Variants in PRKCH observed in about 807,000 individuals in gnomAD.
The protein encoded by PRKCH is protein kinase C eta, also known as protein kinase C eta type.
In PRKCH, 28 loss-of-function variants were observed where a neutral mutation model predicts 82.5. The observed-to-expected ratio is 0.34, with a 90% confidence interval of 0.25 to 0.47. PRKCH has a LOEUF of 0.47. Among genes scored for constraint, PRKCH ranks in the 20% least tolerant of loss-of-function variants. The probability of loss-of-function intolerance (pLI) is 1.00; values close to 1 mark genes in which losing one functional copy is unlikely to be tolerated. For missense variants in PRKCH, 705 were observed against 881.8 expected, an observed-to-expected ratio of 0.80 and a Z score of 2.54; for synonymous variants, 322 against 327.4, an observed-to-expected ratio of 0.98 and a Z score of 0.18.
intron 1 of PRKCH, chr14:61,281,870 C>CTTTTTTTTTT (rs71117807): frequency 1.4e-4 from 13 of 94,862 alleles, no homozygotes; most frequent in African/African-American, 5.5e-4. Context: ...CAAATTTTAG[C>CTTTTTTTTTT]TTTTTTTTTT....
chr14:61,549,643 A>G, intron 13 of PRKCH, 42 bp from the exon 14 acceptor site: 1 of 1,602,580 alleles, frequency 6.2e-7, no homozygotes, highest in Non-Finnish European at 8.5e-7. Flanking sequence ...GTAAGCCTCA[A>G]GCGCAAAAAT....
At chr14:61,447,218 T>G (rs972489911) in intron 4 of PRKCH, among the ~76,000 whole-genome samples, 12 of 152,256 alleles carry the variant, frequency 7.9e-5, no homozygotes, top group African/African-American at 2.7e-4. Flanking sequence ...ATTTGTTTTG[T>G]TTTATTTAAA....
chr14:61,332,390 C>G (rs1214455869), intron 1 of PRKCH, among the ~76,000 whole-genome samples: 1 of 152,172 alleles, frequency 6.6e-6, no homozygotes, highest in Non-Finnish European at 1.5e-5. Flanking sequence ...TAAATTAGAG[C>G]AGTATCTGTC....
chr14:61,285,042 A>T (rs1366953147), intron 1 of PRKCH, among the ~76,000 whole-genome samples: 1 of 152,202 alleles, frequency 6.6e-6, no homozygotes, highest in Non-Finnish European at 1.5e-5. Flanking sequence ...GTTTTTCAGT[A>T]TTCCAAAGTA....
At chr14:61,405,380 CTT>C (rs55977918) in intron 2 of PRKCH, among the ~76,000 whole-genome samples, 121 of 145,356 alleles carry the variant, frequency 8.3e-4, no homozygotes, top group Non-Finnish European at 1.1e-3. Flanking sequence ...ATCTTCTGCT[CTT>C]TTTTTTTTTT....
In PRKCH at chr14:61,280,697, G is replaced by A; in HGVS notation, c.-19+93029G>A. On this transcript the variant is annotated intron_variant, in intron 1 of 3. Coordinates refer to the PRKCH transcript ENST00000555185. This position sits in a 1 kb window ranked among gnomAD's most constrained non-coding sequence, Gnocchi z 5.0. Reference sequence around the variant, plus strand: ...ATGGGCAGGCCGGCCGCGCTGCGCTGGTAGGGGGCGCACTCGTTGACAGGG... The same window carrying A: ...ATGGGCAGGCCGGCCGCGCTGCGCTAGTAGGGGGCGCACTCGTTGACAGGG... 2 of 1,578,234 alleles carry A rather than the reference G, an allele frequency of 1.3e-6. No individual in the cohort carries two copies.
At chr14:61,360,610 G>T (rs185596486) in intron 1 of PRKCH, among the ~76,000 whole-genome samples, 314 of 152,204 alleles carry the variant, frequency 2.1e-3, no homozygotes, top group African/African-American at 7.3e-3. Context: ...TTGGATGAAA[G>T]GATAACAAAT....
chr14:61,364,016 A>C lies in PRKCH; in HGVS notation c.364-27209A>C, dbSNP rs1054492536. 1.6e-3 allele frequency among the ~76,000 whole-genome samples: 235 copies of C among 147,072 alleles called. 2 individuals are homozygous for C. Among genetic ancestry groups the C allele is most frequent in the Non-Finnish European group, 2.6e-3 (174 of 67,080 alleles). ...TGTGTATATATATATTTGTGTGTAT[A>C]TATATATTTGTATATATATAATATA... On this transcript the variant is annotated intron_variant, in intron 1 of 13. Coordinates refer to ENST00000332981, the MANE Select transcript of PRKCH (RefSeq NM_006255.5).
chr14:61,451,093 C>A (rs1306468089), intron 6 of PRKCH, 122 bp downstream of exon 6: 2 of 1,240,792 alleles, frequency 1.6e-6, no homozygotes, highest in Non-Finnish European at 2.2e-6. Context: ...TGTAAATCAA[C>A]ATCTTAGTCA....
In PRKCH at chr14:61,346,524, A is replaced by G. The variant is rs561695819; in HGVS notation, c.363+24060A>G. On this transcript the variant is annotated intron_variant, in intron 1 of 13. Coordinates refer to ENST00000332981, the MANE Select transcript of PRKCH (RefSeq NM_006255.5). ...TTTCAAAATTAACTGTTATTTTGCCAATAAGTTTAACATTTCATTGGAGCA... is the reference window on the plus strand; with the variant it reads ...TTTCAAAATTAACTGTTATTTTGCCGATAAGTTTAACATTTCATTGGAGCA... Among the ~76,000 whole-genome samples the G allele has an allele frequency of 2.6e-5, 4 of 152,324 alleles. No individual in the cohort carries two copies. In the South Asian group the frequency reaches 6.2e-4, roughly 24 times the overall value.
At chr14:61,524,648 A>T (rs2042945094) in intron 10 of PRKCH, among the ~76,000 whole-genome samples, 1 of 152,040 alleles carries the variant, frequency 6.6e-6, no homozygotes, top group Non-Finnish European at 1.5e-5. Context: ...TAAAGGCATG[A>T]TTTCCCTTTA....
intron 1 of PRKCH, among the ~76,000 whole-genome samples, chr14:61,250,716 A>T (rs1006207925): frequency 3.3e-5 from 5 of 152,164 alleles, no homozygotes; most frequent in Non-Finnish European, 7.3e-5. Flanking sequence ...CGACACCAAG[A>T]GGGAAACCTA....
intron 1 of PRKCH, among the ~76,000 whole-genome samples, chr14:61,366,729 C>T (rs761145935): frequency 2.0e-5 from 3 of 152,082 alleles, no homozygotes; most frequent in Non-Finnish European, 4.4e-5. Context: ...TTTCATACAG[C>T]CAGTGGCTCT....
intron 1 of PRKCH, among the ~76,000 whole-genome samples, chr14:61,371,063 C>T (rs1281916324): frequency 6.6e-6 from 1 of 152,072 alleles, no homozygotes; most frequent in Admixed American, 6.5e-5. Context: ...AAATTTATCA[C>T]CTGTAGTAAT....
At position 61,547,518 on chromosome 14, in the gene PRKCH, A is replaced by G. The variant is rs146370861; in HGVS notation, c.1762-225A>G. The stretch of plus-strand genomic sequence containing the variant: ...ACCCTCCTGCTTTCTTTTAGTGGCC[A>G]TGTCTGAAATGGAAGTGGGAAAAGC... On this transcript the variant is annotated intron_variant, in intron 12 of 13. Transcript: ENST00000332981. Among the ~76,000 whole-genome samples the G allele has an allele frequency of 2.9e-3, 435 of 152,322 alleles. 4 individuals carry two copies. The highest frequency in any genetic ancestry group is 1.0e-2 in the African/African-American group (414 of 41,586).
upstream of PRKCH, among the ~76,000 whole-genome samples, chr14:61,320,727 C>A (rs1010213323): frequency 1.1e-4 from 16 of 152,208 alleles, no homozygotes; most frequent in Non-Finnish European, 4.4e-5. Flanking sequence ...TCCCCGGAGA[C>A]AAAATCTGCA....
chr14:61,349,020 C>T (rs2046035925), intron 1 of PRKCH, among the ~76,000 whole-genome samples: 1 of 152,208 alleles, frequency 6.6e-6, no homozygotes, highest in Non-Finnish European at 1.5e-5. Flanking sequence ...ATGGAATCAT[C>T]CAGAGAATTT....
intron 1 of PRKCH, among the ~76,000 whole-genome samples, chr14:61,380,653 G>A (rs2046493106): frequency 6.6e-6 from 1 of 152,162 alleles, no homozygotes; most frequent in African/African-American, 2.4e-5. Context: ...GGGAGGAATT[G>A]CAGTGGAGTA....
intron 1 of PRKCH, among the ~76,000 whole-genome samples, chr14:61,216,856 A>G (rs1233747751): frequency 1.3e-5 from 2 of 152,212 alleles, no homozygotes; most frequent in Non-Finnish European, 2.9e-5. Flanking sequence ...TATGAGAAAA[A>G]CTTGGAGCCA....
Sources: gnomAD v4.1 joint callset for allele counts (sites outside exome capture counted in the v4.1 genomes callset) on GRCh38, gnomAD v4.1.1 for gene constraint, Gnocchi (gnomAD v3.1) non-coding constraint, MANE v1.5 for transcripts, NCBI Gene and HGNC (gene_info 2026-07-23, HGNC 2026-07-21) for gene names.